The following MYH11 variants were observed in gnomAD, a reference collection of about 807,000 sequenced individuals.
MYH11 encodes the protein myosin-11.
In MYH11, 80 loss-of-function variants were observed where a neutral mutation model predicts 246.6. The ratio of observed to expected loss-of-function variants is 0.32; its 90% CI spans 0.27 to 0.39. MYH11 has a LOEUF of 0.39. MYH11 is among the 10% of genes least tolerant of loss of function. MYH11 has a pLI of 1.00. For synonymous variants in MYH11, 1,071 were observed against 1,015.5 expected, an observed-to-expected ratio of 1.05 and a Z score of -1.04; for missense variants, 2,158 against 2,546.8, an observed-to-expected ratio of 0.85 and a Z score of 3.29.
chr16:15,842,762 C>CAAAAAAAAAAAAAAAAAAAAAAAAA (rs757920488), intron 1 of MYH11, among the ~76,000 whole-genome samples: 1 of 19,642 alleles, frequency 5.1e-5, no homozygotes, highest in African/African-American at 1.1e-4. Flanking sequence ...AGACTTCATC[C>CAAAAAAAAAAAAAAAAAAAAAAAAA]AAAAAAAAAA....
At chr16:15,827,238 A>G in intron 2 of MYH11, among the ~76,000 whole-genome samples, 1 of 152,162 alleles carries the variant, frequency 6.6e-6, no homozygotes, top group African/African-American at 2.4e-5. Context: ...AACACGTCGT[A>G]AGAACAGAGA....
At chr16:15,772,941 G>T (rs988834614) in intron 8 of MYH11, among the ~76,000 whole-genome samples, 5 of 152,176 alleles carry the variant, frequency 3.3e-5, no homozygotes. Context: ...CGATGGGACT[G>T]CAGGAAAACA....
At chr16:15,826,448 G>A (rs1471075069) in intron 2 of MYH11, among the ~76,000 whole-genome samples, 1 of 152,030 alleles carries the variant, frequency 6.6e-6, no homozygotes, top group Non-Finnish European at 1.5e-5. Context: ...AATTAGCTGG[G>A]CATGGTGGCA....
intron 4 of MYH11, among the ~76,000 whole-genome samples, chr16:15,797,063 C>T (rs2042757408): frequency 6.6e-6 from 1 of 152,204 alleles, no homozygotes; most frequent in Non-Finnish European, 1.5e-5. Flanking sequence ...ATACTCCAAA[C>T]TTGCACAGCT....
At chr16:15,830,382 T>C (rs138991290) in intron 2 of MYH11, among the ~76,000 whole-genome samples, 167 of 152,294 alleles carry the variant, frequency 1.1e-3, no homozygotes, top group African/African-American at 3.4e-3. Context: ...ACAACCTAAA[T>C]ACCTGTCAAT....
rs181328141 is a variant in MYH11, at chr16:15,708,934, G to C, written c.5787-4811C>G. ...CTTAATTGTTAAAGACATTTGCTTC[G>C]ATTTAATAATTAAAGGCACTCTTTT... is the stretch of plus-strand genomic sequence containing the variant. On this transcript the variant is annotated intron_variant, in intron 40 of 40. Coordinates refer to ENST00000300036, the MANE Select transcript of MYH11 (RefSeq NM_002474.3). 25 of 1,292,692 alleles carry C rather than the reference G, an allele frequency of 1.9e-5. No individual in the cohort carries two copies. The East Asian group carries it at 6.1e-4, about 32-fold the overall frequency. The allele number at this position is 1,292,692 out of a possible 1,614,324, so 80.1% of individuals were successfully genotyped here. A position where few individuals can be genotyped will look rare whatever the true frequency, so the allele number is the denominator to read the frequency against.
intron 1 of MYH11, among the ~76,000 whole-genome samples, chr16:15,843,404 G>T (rs993322426): frequency 1.4e-5 from 2 of 146,088 alleles, no homozygotes; most frequent in African/African-American, 2.5e-5. Context: ...AGAAAGGAAG[G>T]AAGAGGCCGG....
chr16:15,724,489 C>G lies in MYH11; in HGVS notation c.4117-80G>C, dbSNP rs7196012. On this transcript the variant is annotated intron_variant, in intron 30 of 40. Coordinates refer to ENST00000300036, the MANE Select transcript of MYH11 (RefSeq NM_002474.3). ...CCCTGGCCCCACAGACTCTGAGAAG[C>G]GAAGACCATGTCTCCTCGTTGGAGA... 1,775 of 1,608,680 alleles carry G rather than the reference C, an allele frequency of 1.1e-3. 9 individuals are homozygous for G. The African/African-American group carries it at 0.013, about 12-fold the overall frequency.
chr16:15,730,382 A>T (rs932275374), intron 27 of MYH11, among the ~76,000 whole-genome samples: 3 of 151,582 alleles, frequency 2.0e-5, no homozygotes, highest in Non-Finnish European at 2.9e-5. Flanking sequence ...AAAAAAAAAA[A>T]AAAAAAAAAA....
chr16:15,726,180 G>C (rs1488728058), intron 28 of MYH11: 2 of 155,458 alleles, frequency 1.3e-5, no homozygotes, highest in African/African-American at 4.8e-5. Context: ...TGCATCATTT[G>C]ACATTCATTT....
At chr16:15,772,349 C>G (rs1466988875) in intron 8 of MYH11, among the ~76,000 whole-genome samples, 1 of 152,054 alleles carries the variant, frequency 6.6e-6, no homozygotes, top group East Asian at 1.9e-4. Context: ...ACCTTGGCCT[C>G]TCAAAGTTCT....
At chr16:15,744,355 C>T (rs886659794) in intron 20 of MYH11, among the ~76,000 whole-genome samples, 2 of 152,038 alleles carry the variant, frequency 1.3e-5, no homozygotes, top group Non-Finnish European at 2.9e-5. Flanking sequence ...CCACCACGCC[C>T]AGCTAATTTT....
chr16:15,729,062 G>A (rs1015276459), intron 27 of MYH11, among the ~76,000 whole-genome samples: 1 of 151,930 alleles, frequency 6.6e-6, no homozygotes, highest in African/African-American at 2.4e-5. Flanking sequence ...GTCAGCCCTG[G>A]ATGCCCGTCC....
rs753223174 is a variant in MYH11, at chr16:15,703,966, G to A, written c.*25C>T. ...TGTTTTGGTTTTTGGTTTTCTTGCC[G>A]TGGTGCAAAACTGTAGAAAGTTGCT... is the stretch of plus-strand genomic sequence containing the variant. On this transcript the variant is annotated 3_prime_UTR_variant, in exon 41 of 41. Transcript: ENST00000300036. 1.1e-5 allele frequency: 18 copies of A among 1,613,572 alleles called. No homozygotes were observed. Among genetic ancestry groups the A allele is most frequent in the East Asian group, 2.2e-5 (1 of 44,870 alleles).
rs1269796487 is a variant in MYH11, at chr16:15,782,490, C to A, written c.634-13G>T. On this transcript the variant is annotated splice_polypyrimidine_tract_variant and intron_variant, in intron 5 of 40. Coordinates refer to ENST00000300036, the MANE Select transcript of MYH11 (RefSeq NM_002474.3). ...TTTCCAGCTCTCCCTAAAATTCATT[C>A]ACATCTAGTTATTGGAGAAAGCAAC... 1.9e-6 allele frequency: 3 copies of A among 1,611,700 alleles called. No individual in the cohort carries two copies. Among genetic ancestry groups the A allele is most frequent in the Non-Finnish European group, 2.5e-6 (3 of 1,178,092 alleles).
chr16:15,751,158 T>TATC lies in MYH11; in HGVS notation c.1865-830_1865-828dup, dbSNP rs200424467. On this transcript the variant is annotated intron_variant, in intron 15 of 40. Transcript: ENST00000300036. Reference sequence around the variant, plus strand: ...TTATTATTATTATTATTATTATTATTATCATTATTTTATTTTATTGAGACG... The same window carrying TATC: ...TTATTATTATTATTATTATTATTATTATCATCATTATTTTATTTTATTGAGACG... Among the ~76,000 whole-genome samples, 1,100 of 143,844 alleles carry TATC rather than the reference T, an allele frequency of 7.6e-3. 11 individuals are homozygous for TATC. Among genetic ancestry groups the TATC allele is most frequent in the South Asian group, 0.013 (59 of 4,630 alleles). 94.4% of individuals were successfully genotyped at this position (143,844 alleles called of 152,430 possible).
chr16:15,784,845 G>A, intron 5 of MYH11: 1 of 989,302 alleles, frequency 1.0e-6, no homozygotes, highest in Non-Finnish European at 1.6e-6. Context: ...AGACTGGTCA[G>A]CTCCTTTTCC....
chr16:15,738,496 G>T, intron 24 of MYH11, 69 bp downstream of exon 24: 2 of 1,462,718 alleles, frequency 1.4e-6, no homozygotes, highest in South Asian at 2.5e-5. Flanking sequence ...CTGGGCAACA[G>T]AGCAAGACCT....
chr16:15,713,302 G>T (rs1305973448), intron 40 of MYH11: 1 of 152,162 alleles, frequency 6.6e-6, no homozygotes, highest in African/African-American at 2.4e-5. Flanking sequence ...TGATGAGGCA[G>T]TGGGAGCTTG....
Sources: gnomAD v4.1 joint callset for allele counts (sites outside exome capture counted in the v4.1 genomes callset) on GRCh38, gnomAD v4.1.1 for gene constraint, MANE v1.5 for transcripts, NCBI Gene and HGNC (gene_info 2026-07-23, HGNC 2026-07-21) for gene names.